Variants in ZDHHC18 observed in about 807,000 individuals in gnomAD.
ZDHHC18 encodes the protein palmitoyltransferase ZDHHC18.
Under a neutral mutation model 37.5 loss-of-function variants are expected in ZDHHC18, and 23 were observed. The ratio of observed to expected loss-of-function variants is 0.61; its 90% CI spans 0.44 to 0.87. ZDHHC18 has a LOEUF of 0.87. Among genes scored for constraint, ZDHHC18 ranks in the 40% least tolerant of loss-of-function variants. The pLI, the probability that ZDHHC18 is intolerant of heterozygous loss-of-function variation, is 0.00. For synonymous variants in ZDHHC18, 185 were observed against 218.7 expected (o/e 0.85, Z 1.36); for missense variants, 406 against 525.6 (o/e 0.77, Z 2.22).
At chr1:26,829,771 A>T (rs2081579221) in intron 1 of ZDHHC18, among the ~76,000 whole-genome samples, 1 of 152,194 alleles carries the variant, frequency 6.6e-6, no homozygotes, top group Non-Finnish European at 1.5e-5. Flanking sequence ...ATTTGCTGGG[A>T]GGCTGGAAAC....
chr1:26,849,940 T>A (rs17162315), intron 3 of ZDHHC18, among the ~76,000 whole-genome samples: 20,376 of 152,182 alleles, frequency 0.13, 1,484 homozygotes, highest in Non-Finnish European at 0.17. Context: ...CCAATCCAGT[T>A]ATTATAAATA....
At chr1:26,841,550 A>G (rs867079319) in intron 2 of ZDHHC18, among the ~76,000 whole-genome samples, 1 of 152,218 alleles carries the variant, frequency 6.6e-6, no homozygotes, top group African/African-American at 2.4e-5. Context: ...TCTGGCTCCA[A>G]AGCCTATGTC....
At chr1:26,832,384 G>T (rs1317860289) in intron 1 of ZDHHC18, 63 bp from the exon 2 acceptor site, 1 of 1,596,988 alleles carries the variant, frequency 6.3e-7, no homozygotes, top group Admixed American at 1.7e-5. Flanking sequence ...GCCACGTGCT[G>T]TAGCCCTGTG....
rs551266415 is a variant in ZDHHC18, at chr1:26,838,960, A to G, written c.496+6353A>G. Among the ~76,000 whole-genome samples, 29 of 152,112 alleles carry G rather than the reference A, an allele frequency of 1.9e-4. No individual in the cohort carries two copies. The South Asian group carries it at 4.4e-3, about 23-fold the overall frequency. On this transcript the variant is annotated intron_variant, in intron 2 of 7. Coordinates refer to ENST00000374142, the MANE Select transcript of ZDHHC18 (RefSeq NM_032283.3). ...TTGAGCTGGCCTTAGAGGCGGGGAGACTGCAGTCCTGCAGCTGTTTCCTCT... is the reference window on the plus strand; with the variant it reads ...TTGAGCTGGCCTTAGAGGCGGGGAGGCTGCAGTCCTGCAGCTGTTTCCTCT...
rs1490659403 is a variant in ZDHHC18, at chr1:26,856,275, C to CTT, written c.*2433_*2434dup. 4.6e-6 allele frequency: 2 copies of CTT among 437,668 alleles called. No individual in the cohort carries two copies. Among genetic ancestry groups the CTT allele is most frequent in the African/African-American group, 2.0e-5 (1 of 49,750 alleles). 27.1% of individuals were successfully genotyped at this position (437,668 alleles called of 1,614,324 possible). On this transcript the variant is annotated 3_prime_UTR_variant, in exon 8 of 8. Coordinates refer to ENST00000374142, the MANE Select transcript of ZDHHC18 (RefSeq NM_032283.3). The surrounding 1 kb of genome is among the most constrained non-coding windows in gnomAD (Gnocchi z 5.2). ...AGAGGGTTAGCTGGTAAGACCGTTT[C>CTT]TTCCCTGTCGGCCAGCACTGCCCGC...
chr1:26,842,731 A>G (rs1194393283), intron 2 of ZDHHC18, among the ~76,000 whole-genome samples: 5 of 152,378 alleles, frequency 3.3e-5, no homozygotes, highest in African/African-American at 9.6e-5. Flanking sequence ...TGATGAAACA[A>G]CCTAACAAAG....
intron 2 of ZDHHC18, among the ~76,000 whole-genome samples, chr1:26,842,628 C>T (rs1045819677): frequency 6.6e-6 from 1 of 152,348 alleles, no homozygotes; most frequent in East Asian, 1.9e-4. Context: ...GGCCATTGGC[C>T]TCTAAATCCC....
At chr1:26,830,020 C>T (rs1411237335) in intron 1 of ZDHHC18, among the ~76,000 whole-genome samples, 2 of 152,208 alleles carry the variant, frequency 1.3e-5, no homozygotes, top group African/African-American at 2.4e-5. Context: ...ACCCAGAAAC[C>T]ATTGAGATGT....
chr1:26,848,205 G>A (rs545840387), intron 2 of ZDHHC18, among the ~76,000 whole-genome samples: 6 of 152,158 alleles, frequency 3.9e-5, no homozygotes, highest in African/African-American at 1.2e-4. Context: ...CCAGCTACTC[G>A]GGAGGCTGAG....
rs145941408 is a variant in ZDHHC18 at position 26,851,194 on chromosome 1, C to T, written c.899C>T (p.Thr300Met). The T allele has an allele frequency of 1.8e-5, 29 of 1,614,090 alleles. No individual in the cohort carries two copies. In the Admixed American group the frequency reaches 3.2e-4, roughly 18 times the overall value. The change falls in exon 6 of 8, where the codon ACG (threonine) becomes ATG (methionine). Residue 300 changes from threonine to methionine, a missense_variant. Physicochemically the swap from Thr to Met is moderately conservative, Grantham distance 81 (BLOSUM62 -1). Transcript: ENST00000374142. ...ATTCTGGGCCTCTCAGGGTTTCACACGTACCTCGTCGCCTCCAACCTGACT... is the reference window on the plus strand; with the variant it reads ...ATTCTGGGCCTCTCAGGGTTTCACATGTACCTCGTCGCCTCCAACCTGACT... The part of the protein sequence containing the change: ...WSILGLSGFH[T>M]YLVASNLTTN...
chr1:26,840,783 C>T lies in ZDHHC18; in HGVS notation c.497-7825C>T, dbSNP rs115142223. On this transcript the variant is annotated intron_variant, in intron 2 of 7. Transcript: ENST00000374142. Reference sequence around the variant, plus strand: ...TAAATATTTTTTAGAGACACAGCCTCGCTCTGTCACCCAGGCTGGAATGCA... The same window carrying T: ...TAAATATTTTTTAGAGACACAGCCTTGCTCTGTCACCCAGGCTGGAATGCA... Among the ~76,000 whole-genome samples, 579 of 141,316 alleles carry T rather than the reference C, an allele frequency of 4.1e-3. 4 individuals carry two copies. Among genetic ancestry groups the T allele is most frequent in the African/African-American group, 0.015 (553 of 37,744 alleles). The allele number at this position is 141,316 out of a possible 152,430, so 92.7% of individuals were successfully genotyped here. A position where few individuals can be genotyped will look rare whatever the true frequency, so the allele number is the denominator to read the frequency against.
intron 2 of ZDHHC18, among the ~76,000 whole-genome samples, chr1:26,846,358 G>A (rs1476879587): frequency 9.1e-4 from 91 of 99,550 alleles, no homozygotes; most frequent in African/African-American, 3.4e-3. Flanking sequence ...GCAGAGTCTC[G>A]CTCTGTCTCC....
At chr1:26,835,590 A>G (rs369435985) in intron 2 of ZDHHC18, among the ~76,000 whole-genome samples, 77 of 152,244 alleles carry the variant, frequency 5.1e-4, no homozygotes, top group African/African-American at 1.8e-3. Flanking sequence ...AATCCCAGCT[A>G]CTCAGGAGGC....
chr1:26,848,977 A>G (rs1356866468), intron 3 of ZDHHC18, among the ~76,000 whole-genome samples: 3 of 152,038 alleles, frequency 2.0e-5, no homozygotes, highest in Non-Finnish European at 4.4e-5. Flanking sequence ...GGATTGGTGG[A>G]TTCCTTCCCC....
At chr1:26,847,184 C>T (rs1174439361) in intron 2 of ZDHHC18, among the ~76,000 whole-genome samples, 2 of 152,054 alleles carry the variant, frequency 1.3e-5, no homozygotes, top group Non-Finnish European at 2.9e-5. Flanking sequence ...TGTGAGCCAC[C>T]ACACCTGGCC....
At chr1:26,834,208 C>T (rs1010622197) in intron 2 of ZDHHC18, among the ~76,000 whole-genome samples, 2 of 152,232 alleles carry the variant, frequency 1.3e-5, no homozygotes, top group Non-Finnish European at 1.5e-5. Flanking sequence ...CCTCGGCCTC[C>T]TGTGAGCTGC....
chr1:26,856,542 G>T lies in ZDHHC18; in HGVS notation c.*2699G>T. ...AGAGGAGGTGGAGGGTGAGGCTGGG[G>T]AGAGGATGGCGAACCTGCCCTGAGG... On this transcript the variant is annotated 3_prime_UTR_variant, in exon 8 of 8. Transcript: ENST00000374142. The surrounding 1 kb of genome is among the most constrained non-coding windows in gnomAD (Gnocchi z 5.2). 1 of 207,228 alleles carries T rather than the reference G, an allele frequency of 4.8e-6. No homozygotes were observed. The highest frequency in any genetic ancestry group is 6.2e-5 in the South Asian group (1 of 16,186). 12.8% of individuals were successfully genotyped at this position (207,228 alleles called of 1,614,324 possible).
Position 26,826,785 on chromosome 1 carries a change from C to G in ZDHHC18, c.-20C>G. On this transcript the variant is annotated 5_prime_UTR_variant, in exon 1 of 8. Coordinates refer to ENST00000374142, the MANE Select transcript of ZDHHC18 (RefSeq NM_032283.3). This position sits in a 1 kb window ranked among gnomAD's most constrained non-coding sequence, Gnocchi z 5.2. ...CCGGCCGGCCCGCGGGGCGCGGAGC[C>G]GAGGCCCGCGGCTGGCTGCATGAAG... 2 of 977,988 alleles carry G rather than the reference C, an allele frequency of 2.0e-6. No individual in the cohort carries two copies. Among genetic ancestry groups the G allele is most frequent in the Non-Finnish European group, 2.4e-6 (2 of 825,434 alleles). The allele number at this position is 977,988 out of a possible 1,614,324, so 60.6% of individuals were successfully genotyped here.
At chr1:26,836,393 A>T (rs2081611495) in intron 2 of ZDHHC18, among the ~76,000 whole-genome samples, 1 of 151,638 alleles carries the variant, frequency 6.6e-6, no homozygotes, top group Non-Finnish European at 1.5e-5. Context: ...CTTCAATTGT[A>T]GTTATCTCTC....
Sources: gnomAD v4.1 joint callset for allele counts (sites outside exome capture counted in the v4.1 genomes callset) on GRCh38, gnomAD v4.1.1 for gene constraint, Gnocchi (gnomAD v3.1) non-coding constraint, MANE v1.5 for transcripts, NCBI Gene and HGNC (gene_info 2026-07-23, HGNC 2026-07-21) for gene names.